Variants in ANTXR1 observed in about 807,000 individuals in gnomAD.
The protein encoded by ANTXR1 is ANTXR cell adhesion molecule 1.
A neutral mutation model predicts 78.1 loss-of-function variants in ANTXR1; 19 were observed. The ratio of observed to expected loss-of-function variants is 0.24; its 90% confidence interval spans 0.17 to 0.36. The LOEUF (loss-of-function observed/expected upper bound fraction) is 0.36. ANTXR1 is among the 10% of genes least tolerant of loss of function. ANTXR1 has a pLI of 1.00. For synonymous variants in ANTXR1, 273 were observed against 260.5 expected, an observed-to-expected ratio of 1.05 and a Z score of -0.46; for missense variants, 518 against 718.6, an observed-to-expected ratio of 0.72 and a Z score of 3.19.
intron 10 of ANTXR1, among the ~76,000 whole-genome samples, chr2:69,111,463 A>G (rs1164497092): frequency 1.3e-5 from 2 of 152,282 alleles, no homozygotes; most frequent in Non-Finnish European, 2.9e-5. Context: ...TGCATGAGGT[A>G]TGACTATAAA....
At chr2:69,220,989 C>T (rs1361876767) in intron 17 of ANTXR1, among the ~76,000 whole-genome samples, 1 of 152,162 alleles carries the variant, frequency 6.6e-6, no homozygotes, top group African/African-American at 2.4e-5. Context: ...AATAAGACAT[C>T]ATTTAAGGAA....
intron 11 of ANTXR1, among the ~76,000 whole-genome samples, chr2:69,123,573 C>T (rs1672425575): frequency 6.6e-6 from 1 of 152,212 alleles, no homozygotes; most frequent in African/African-American, 2.4e-5. Flanking sequence ...GCCAAGACCC[C>T]AGACTCACGC....
chr2:69,145,889 C>T (rs1673212713), intron 12 of ANTXR1: 2 of 985,802 alleles, frequency 2.0e-6, no homozygotes, highest in Non-Finnish European at 2.4e-6. Flanking sequence ...TCCAAAATTG[C>T]CTATATTCCA....
At chr2:69,046,270 T>A (rs1669765648) in intron 3 of ANTXR1, among the ~76,000 whole-genome samples, 1 of 152,172 alleles carries the variant, frequency 6.6e-6, no homozygotes, top group African/African-American at 2.4e-5. Context: ...TTGCAGGTGC[T>A]TTGTGTGCTA....
chr2:69,211,918 C>T (rs1675053941), intron 17 of ANTXR1, among the ~76,000 whole-genome samples: 1 of 152,200 alleles, frequency 6.6e-6, no homozygotes, highest in Non-Finnish European at 1.5e-5. Flanking sequence ...ACCCCCGGCC[C>T]AAATTATGCT....
intron 17 of ANTXR1, among the ~76,000 whole-genome samples, chr2:69,200,210 A>G (rs1358799167): frequency 6.6e-6 from 1 of 152,138 alleles, no homozygotes; most frequent in Non-Finnish European, 1.5e-5. Flanking sequence ...AGAACAAAAT[A>G]CTAAAGCTCA....
At position 69,124,625 on chromosome 2, in the gene ANTXR1, C is replaced by A; in HGVS notation, c.933C>A (p.Ile311=). Residue 311 remains isoleucine (I), a synonymous_variant, in exon 12 of 18, where the codon ATC becomes ATA. Coordinates refer to ENST00000303714, the MANE Select transcript of ANTXR1 (RefSeq NM_032208.3). ...DGLSFISSSV[I]ITTTHCSDGS... is the part of the protein sequence containing the mutation. ...TCTCTTTTATCTCCAGTTCTGTCAT[C>A]ATCACCACCACACACTGTGTAAGTC... is the stretch of plus-strand genomic sequence containing the variant. The A allele has an allele frequency of 2.5e-6, 4 of 1,614,234 alleles. No individual in the cohort carries two copies. Among genetic ancestry groups the A allele is most frequent in the Non-Finnish European group, 3.4e-6 (4 of 1,180,022 alleles).
At position 69,013,417 on chromosome 2, in the gene ANTXR1, C is replaced by T; in HGVS notation, c.-83C>T. On this transcript the variant is annotated 5_prime_UTR_variant, in exon 1 of 18. Transcript: ENST00000303714. This position sits in a 1 kb window ranked among gnomAD's most constrained non-coding sequence, Gnocchi z 5.0. Reference sequence around the variant, plus strand: ...AATAAAGGACCCGCGAGGAAGGGCCCGCGGATGGCGCGTCCCTGAGGGTCG... The same window carrying T: ...AATAAAGGACCCGCGAGGAAGGGCCTGCGGATGGCGCGTCCCTGAGGGTCG... 1 of 1,551,354 alleles carries T rather than the reference C, an allele frequency of 6.4e-7. No individual in the cohort carries two copies. Among genetic ancestry groups the T allele is most frequent in the South Asian group, 1.2e-5 (1 of 84,754 alleles).
At chr2:69,070,177 C>T (rs1670525176) in intron 3 of ANTXR1, among the ~76,000 whole-genome samples, 1 of 152,148 alleles carries the variant, frequency 6.6e-6, no homozygotes. Flanking sequence ...TTTTATTTTC[C>T]GTTTCCTTTG....
rs557909944 is a variant in ANTXR1 at position 69,044,358 on chromosome 2, C to T, written c.225-384C>T. Among the ~76,000 whole-genome samples, 13 of 151,170 alleles carry T rather than the reference C, an allele frequency of 8.6e-5. No individual in the cohort carries two copies. The South Asian group carries it at 1.7e-3, about 19-fold the overall frequency. ...ATCATTAGAGAATACACCAGGCTACCGTGGAAACATTATCAAATTTTACCT... is the reference window on the plus strand; with the variant it reads ...ATCATTAGAGAATACACCAGGCTACTGTGGAAACATTATCAAATTTTACCT... On this transcript the variant is annotated intron_variant, in intron 2 of 17. Coordinates refer to ENST00000303714, the MANE Select transcript of ANTXR1 (RefSeq NM_032208.3).
chr2:69,083,693 G>C (rs1329573936), intron 8 of ANTXR1, among the ~76,000 whole-genome samples: 1 of 152,140 alleles, frequency 6.6e-6, no homozygotes, highest in Non-Finnish European at 1.5e-5. Context: ...ACCCAGGGAA[G>C]ACCTACACTG....
Position 69,044,749 on chromosome 2 carries a change from T to C in ANTXR1, c.232T>C (p.Leu78=). The change falls in exon 3 of 18, where the codon TTG becomes CTG. Residue 78 remains leucine, a synonymous_variant. Coordinates refer to ENST00000303714, the MANE Select transcript of ANTXR1 (RefSeq NM_032208.3). ...QLAHKFISPQ[L]RMSFIVFSTR... is the part of the protein sequence containing the mutation. ...GCTTCTTTTCCTTTCCAGCCCACAG[T>C]TGAGAATGTCCTTTATTGTTTTCTC... 2 of 1,613,862 alleles carry C rather than the reference T, an allele frequency of 1.2e-6. No individual in the cohort carries two copies. Among genetic ancestry groups the C allele is most frequent in the South Asian group, 2.2e-5 (2 of 91,074 alleles).
At chr2:69,061,176 G>A (rs1465862771) in intron 3 of ANTXR1, among the ~76,000 whole-genome samples, 2 of 152,154 alleles carry the variant, frequency 1.3e-5, no homozygotes, top group African/African-American at 4.8e-5. Context: ...TTGTTTAAAA[G>A]CTCTTCAACC....
chr2:69,190,885 C>T (rs755345651), intron 16 of ANTXR1, among the ~76,000 whole-genome samples: 7 of 152,216 alleles, frequency 4.6e-5, no homozygotes, highest in Admixed American at 1.3e-4. Flanking sequence ...CAGTGTTCTT[C>T]TTTCTGCCCC....
chr2:69,240,913 C>T (rs922678252), intron 17 of ANTXR1, among the ~76,000 whole-genome samples: 6 of 152,280 alleles, frequency 3.9e-5, no homozygotes, highest in Non-Finnish European at 5.9e-5. Context: ...GTCCTCCCAC[C>T]ACCATTAGAT....
At position 69,202,050 on chromosome 2, in the gene ANTXR1, G is replaced by A. The variant is rs145386974; in HGVS notation, c.1434+8635G>A. ...GCAGTTTTGCTCCAGTGAGAGTTTT[G>A]GGCTGCAGGCAAAGATCTGAGAGTC... On this transcript the variant is annotated intron_variant, in intron 17 of 17. Coordinates refer to ENST00000303714, the MANE Select transcript of ANTXR1 (RefSeq NM_032208.3). 3.8e-4 allele frequency among the ~76,000 whole-genome samples: 58 copies of A among 152,230 alleles called. No homozygotes were observed. The East Asian group carries it at 0.011, about 28-fold the overall frequency.
chr2:69,187,048 C>T (rs921562656), intron 16 of ANTXR1, among the ~76,000 whole-genome samples: 17 of 152,208 alleles, frequency 1.1e-4, no homozygotes, highest in African/African-American at 3.9e-4. Flanking sequence ...GAGCCAGAAT[C>T]GTGTACTTAC....
intron 17 of ANTXR1, among the ~76,000 whole-genome samples, chr2:69,232,498 CAAAA>C (rs757638057): frequency 3.3e-5 from 3 of 92,054 alleles, no homozygotes; most frequent in Non-Finnish European, 2.4e-5. Flanking sequence ...AGCTTGTCTC[CAAAA>C]AAAAAAAAAA....
chr2:69,139,750 G>A (rs1269353305), intron 12 of ANTXR1, among the ~76,000 whole-genome samples: 1 of 152,098 alleles, frequency 6.6e-6, no homozygotes, highest in Non-Finnish European at 1.5e-5. Flanking sequence ...AATAGGTAAC[G>A]GTGATGCCAA....
Sources: gnomAD v4.1 joint callset for allele counts (sites outside exome capture counted in the v4.1 genomes callset) on GRCh38, gnomAD v4.1.1 for gene constraint, Gnocchi (gnomAD v3.1) non-coding constraint, MANE v1.5 for transcripts, NCBI Gene and HGNC (gene_info 2026-07-23, HGNC 2026-07-21) for gene names.